SLC22A15: variants seen among roughly 807,000 people sequenced by gnomAD.
The protein encoded by SLC22A15 is flipt 1.
A neutral mutation model predicts 62.7 loss-of-function variants in SLC22A15; 45 were observed. The observed-to-expected ratio is 0.72, with a 90% confidence interval of 0.56 to 0.92. The LOEUF (loss-of-function observed/expected upper bound fraction) is 0.92. SLC22A15 is among the 40% of genes least tolerant of loss of function. The pLI, the probability that SLC22A15 is intolerant of heterozygous loss-of-function variation, is 0.00. For missense variants in SLC22A15, 622 were observed against 665.6 expected, an observed-to-expected ratio of 0.93 and a Z score of 0.72; for synonymous variants, 264 against 267.0, an observed-to-expected ratio of 0.99 and a Z score of 0.11.
chr1:116,008,951 C>G (rs1656115813), intron 2 of SLC22A15, among the ~76,000 whole-genome samples: 1 of 152,126 alleles, frequency 6.6e-6, no homozygotes, highest in African/African-American at 2.4e-5. Flanking sequence ...TGTTCCACCC[C>G]CACAAAACCC....
rs1570757876 is a variant in SLC22A15, at chr1:116,035,263, G to A, written c.1021G>A (p.Ala341Thr). ...AGGTGGAAGTATTTATGCCAACCTG[G>A]CCCTGTCTGGCCTCATAGAGATTCC... Reference protein sequence around the residue: ...DLGGSIYANLALSGLIEIPSY... With the variant: ...DLGGSIYANLTLSGLIEIPSY... The change falls in exon 7 of 12, where the codon GCC (alanine) becomes ACC (threonine). Residue 341 changes from alanine (A) to threonine (T), a missense_variant. Coordinates refer to ENST00000369503, the MANE Select transcript of SLC22A15 (RefSeq NM_018420.3). The A allele has an allele frequency of 1.9e-6, 3 of 1,613,216 alleles. No homozygotes were observed. The highest frequency in any genetic ancestry group is 2.5e-6 in the Non-Finnish European group (3 of 1,179,516).
chr1:116,038,256 G>A (rs186187353), intron 8 of SLC22A15, among the ~76,000 whole-genome samples: 1 of 152,272 alleles, frequency 6.6e-6, no homozygotes, highest in East Asian at 1.9e-4. Context: ...ATTGTGAGAC[G>A]ATTTGACGTA....
intron 1 of SLC22A15, among the ~76,000 whole-genome samples, chr1:115,981,386 A>G (rs932914774): frequency 6.6e-6 from 1 of 152,126 alleles, no homozygotes; most frequent in Non-Finnish European, 1.5e-5. Flanking sequence ...CTACTGTCAA[A>G]TTTTATTTCA....
At chr1:116,040,609 A>T (rs1034116289) in intron 8 of SLC22A15, among the ~76,000 whole-genome samples, 1 of 151,958 alleles carries the variant, frequency 6.6e-6, no homozygotes, top group Non-Finnish European at 1.5e-5. Flanking sequence ...AAACTCTTAG[A>T]GAGATTTTTT....
At chr1:115,997,233 G>A (rs1017171800) in intron 2 of SLC22A15, among the ~76,000 whole-genome samples, 1 of 151,456 alleles carries the variant, frequency 6.6e-6, no homozygotes, top group African/African-American at 2.4e-5. Context: ...GATTGCTCCA[G>A]TTTTGTTGTT....
chr1:116,035,917 G>A (rs1395018318), intron 7 of SLC22A15, among the ~76,000 whole-genome samples: 3 of 152,106 alleles, frequency 2.0e-5, no homozygotes, highest in Non-Finnish European at 4.4e-5. Context: ...TGCCTGACCA[G>A]GCCACTTAAA....
chr1:115,978,656 A>T (rs1444827671), intron 1 of SLC22A15, among the ~76,000 whole-genome samples: 1 of 152,174 alleles, frequency 6.6e-6, no homozygotes, highest in Non-Finnish European at 1.5e-5. Flanking sequence ...GGGGTTGTAG[A>T]GCCACCCAGA....
rs1290314397 is a variant in SLC22A15 at position 116,031,401 on chromosome 1, AG to A, written c.767del (p.Gly256ValfsTer3). The A allele has an allele frequency of 6.2e-7, 1 of 1,613,652 alleles. No homozygotes were observed. Among genetic ancestry groups the A allele is most frequent in the Non-Finnish European group, 8.5e-7 (1 of 1,179,864 alleles). Reference sequence around the variant, plus strand: ...GAATCACCTCGTTGGTTATACTCCCAGGGTCGACTGAGTGAGGCTGAAGAGG... The same window carrying A: ...GAATCACCTCGTTGGTTATACTCCCAGGTCGACTGAGTGAGGCTGAAGAGG... ...IPESPRWLYSQGRLSEAEEAL... is the reference protein window; with the variant it reads ...IPESPRWLYSXGRLSEAEEAL... On this transcript the variant is annotated frameshift_variant, in exon 6 of 12. Transcript: ENST00000369503. LOFTEE classifies it high-confidence loss of function.
chr1:116,006,001 C>T (rs377449242), intron 2 of SLC22A15, among the ~76,000 whole-genome samples: 1 of 152,124 alleles, frequency 6.6e-6, no homozygotes, highest in Non-Finnish European at 1.5e-5. Context: ...CTCCTGCTGG[C>T]GAATGGGCTC....
intron 8 of SLC22A15, among the ~76,000 whole-genome samples, chr1:116,048,887 TA>T (rs537390832): frequency 0.012 from 1,853 of 152,178 alleles, 20 homozygotes; most frequent in Non-Finnish European, 0.017. Context: ...CACATAAACT[TA>T]AGGTAAAGGG....
chr1:115,979,802 CT>C (rs1292602628), intron 1 of SLC22A15, among the ~76,000 whole-genome samples: 3 of 152,050 alleles, frequency 2.0e-5, no homozygotes, highest in Non-Finnish European at 4.4e-5. Context: ...GAGGCTCCTG[CT>C]TTGTCATTTT....
rs536082575 is a variant in SLC22A15 at position 115,992,239 on chromosome 1, C to G, written c.296C>G (p.Ser99Trp). Residue 99 changes from serine to tryptophan, a missense_variant, in exon 2 of 12, where the codon TCG becomes TGG. Coordinates refer to ENST00000369503, the MANE Select transcript of SLC22A15 (RefSeq NM_018420.3). ...AGCAGCAGCTTCACCTCCATCGCCT[C>G]GGAGGTAACAACAGGCTGTTTCAAT... ...HFSSSFTSIA[S>W]EWFLIANRSY... The G allele has an allele frequency of 1.9e-5, 30 of 1,575,596 alleles. No homozygotes were observed. The highest frequency in any genetic ancestry group is 2.5e-5 in the Non-Finnish European group (29 of 1,159,824).
chr1:116,035,081 G>C, intron 6 of SLC22A15, 106 bp from the exon 7 acceptor site: 1 of 1,180,440 alleles, frequency 8.5e-7, no homozygotes, highest in Non-Finnish European at 1.2e-6. Context: ...AGCAGATCAA[G>C]CAATTATATT....
chr1:116,051,315 A>G (rs1199558086), intron 8 of SLC22A15, among the ~76,000 whole-genome samples: 1 of 152,216 alleles, frequency 6.6e-6, no homozygotes, highest in Non-Finnish European at 1.5e-5. Flanking sequence ...TTCTAACTAT[A>G]CTATAGGGCC....
intron 2 of SLC22A15, among the ~76,000 whole-genome samples, chr1:116,003,817 A>G (rs1314368135): frequency 6.6e-6 from 1 of 152,178 alleles, no homozygotes; most frequent in Admixed American, 6.5e-5. Context: ...GGTTCTTAAG[A>G]AGGTCCTTTT....
intron 2 of SLC22A15, 47 bp downstream of exon 2, chr1:115,992,290 C>G: frequency 1.4e-6 from 2 of 1,390,954 alleles, no homozygotes; most frequent in Non-Finnish European, 2.0e-6. Context: ...TCTCTTTGTC[C>G]ACATAGAGCT....
intron 2 of SLC22A15, among the ~76,000 whole-genome samples, chr1:115,997,026 G>A (rs927677769): frequency 1.3e-5 from 2 of 151,972 alleles, no homozygotes; most frequent in African/African-American, 4.8e-5. Flanking sequence ...TGGTAAGAGT[G>A]GACATCCTTG....
intron 6 of SLC22A15, 44 bp downstream of exon 6, chr1:116,031,625 G>C (rs1657402564): frequency 1.9e-6 from 3 of 1,604,564 alleles, no homozygotes; most frequent in African/African-American, 1.3e-5. Flanking sequence ...AACTAAGGTT[G>C]CTCGAGCTTC....
At chr1:115,987,770 A>G (rs1437829982) in intron 1 of SLC22A15, among the ~76,000 whole-genome samples, 2 of 152,174 alleles carry the variant, frequency 1.3e-5, no homozygotes. Context: ...TCTCCGAAAA[A>G]AGCTCTGGCC....
Sources: allele counts gnomAD v4.1 joint callset (sites outside exome capture counted in the v4.1 genomes callset), GRCh38; gene constraint gnomAD v4.1.1; transcripts MANE v1.5; gene names NCBI Gene and HGNC (gene_info 2026-07-23, HGNC 2026-07-21).